Variants in OMA1 observed in about 807,000 individuals in gnomAD.
OMA1 encodes OMA1 zinc metallopeptidase.
In OMA1, 38 loss-of-function variants were observed where a neutral mutation model predicts 30.9. That is an observed-to-expected ratio of 1.23 (90% CI 0.95 to 1.61). The LOEUF is 1.61. OMA1 is among the 40% of genes most tolerant of loss of function. The probability of loss-of-function intolerance (pLI) is 0.00; values close to 1 mark genes in which losing one functional copy is unlikely to be tolerated. For missense variants in OMA1, 461 were observed against 349.2 expected (o/e 1.32, Z -2.55); for synonymous variants, 173 against 121.9 (o/e 1.42, Z -2.76).
intron 8 of OMA1, among the ~76,000 whole-genome samples, chr1:58,490,280 A>T (rs1477756922): frequency 6.6e-6 from 1 of 152,250 alleles, no homozygotes; most frequent in Non-Finnish European, 1.5e-5. Context: ...ATGGCACAAG[A>T]ACTACGTGAC....
chr1:58,496,513 T>C (rs112030861), intron 8 of OMA1, among the ~76,000 whole-genome samples: 3 of 152,292 alleles, frequency 2.0e-5, no homozygotes, highest in African/African-American at 7.2e-5. Flanking sequence ...GTTTTTCGTA[T>C]TTCTGCTCTT....
Position 58,538,790 on chromosome 1 carries a change from T to C in OMA1, c.500+5A>G, listed in dbSNP as rs1260408926. On this transcript the variant is annotated splice_donor_5th_base_variant and intron_variant, in intron 2 of 8. Transcript: ENST00000371226. The stretch of plus-strand genomic sequence containing the variant: ...AAAAGTTTTTATTCTAAAAAAGCAT[T>C]TTACCTGCCTACAATGATTGCAAAT... The C allele has an allele frequency of 1.3e-6, 1 of 760,026 alleles. No homozygotes were observed. The highest frequency in any genetic ancestry group is 2.5e-5 in the East Asian group (1 of 39,742). 47.1% of individuals were successfully genotyped at this position (760,026 alleles called of 1,614,324 possible). A position where few individuals can be genotyped will look rare whatever the true frequency, so the allele number is the denominator to read the frequency against.
At chr1:58,495,718 AG>A (rs1399721526) in intron 8 of OMA1, among the ~76,000 whole-genome samples, 2 of 151,888 alleles carry the variant, frequency 1.3e-5, no homozygotes, top group African/African-American at 4.8e-5. Context: ...AAAAAAAGTT[AG>A]TTTTTGTAGA....
intron 8 of OMA1, among the ~76,000 whole-genome samples, chr1:58,485,768 T>C (rs1645567271): frequency 6.6e-6 from 1 of 152,152 alleles, no homozygotes; most frequent in Non-Finnish European, 1.5e-5. Flanking sequence ...CTTCCTTTAC[T>C]TTGTTTTCTG....
intron 8 of OMA1, among the ~76,000 whole-genome samples, chr1:58,492,998 A>G (rs980803496): frequency 6.6e-6 from 1 of 152,250 alleles, no homozygotes; most frequent in Non-Finnish European, 1.5e-5. Context: ...CCTGATGAAC[A>G]TCAATGCAAA....
At chr1:58,490,610 C>T (rs375672794) in intron 8 of OMA1, among the ~76,000 whole-genome samples, 17,445 of 151,624 alleles carry the variant, frequency 0.12, 1,167 homozygotes, top group African/African-American at 0.18. Context: ...AGATACTCCT[C>T]GAGAAGAGCA....
At chr1:58,520,785 T>C (rs1274957464) in intron 7 of OMA1, among the ~76,000 whole-genome samples, 5 of 152,046 alleles carry the variant, frequency 3.3e-5, no homozygotes, top group African/African-American at 1.2e-4. Context: ...GTATGTATAT[T>C]AAAGATACTT....
chr1:58,530,031 C>T (rs1646410137), intron 6 of OMA1, among the ~76,000 whole-genome samples: 1 of 152,122 alleles, frequency 6.6e-6, no homozygotes. Context: ...CAGGCGCCCG[C>T]CACAACGCCA....
At chr1:58,513,003 G>A (rs750779602) in intron 7 of OMA1, among the ~76,000 whole-genome samples, 1 of 152,252 alleles carries the variant, frequency 6.6e-6, no homozygotes, top group Non-Finnish European at 1.5e-5. Flanking sequence ...TTCAAGAAAA[G>A]TATTATAGAA....
chr1:58,506,557 C>T (rs927210133), intron 7 of OMA1, among the ~76,000 whole-genome samples: 2 of 152,148 alleles, frequency 1.3e-5, no homozygotes, highest in Non-Finnish European at 2.9e-5. Flanking sequence ...AATGCCTGCC[C>T]TTCCCATATA....
intron 1 of OMA1, among the ~76,000 whole-genome samples, chr1:58,544,072 G>C (rs1646664239): frequency 6.6e-6 from 1 of 152,178 alleles, no homozygotes; most frequent in East Asian, 1.9e-4. Context: ...ACCATCTAAA[G>C]GAGGTGCAAA....
chr1:58,523,982 G>C (rs1646309670), intron 7 of OMA1, among the ~76,000 whole-genome samples: 2 of 152,316 alleles, frequency 1.3e-5, no homozygotes, highest in South Asian at 2.1e-4. Flanking sequence ...AACCAATCCA[G>C]AAAAAGCGTT....
At chr1:58,525,137 G>A (rs1008775806) in intron 7 of OMA1, among the ~76,000 whole-genome samples, 3 of 152,078 alleles carry the variant, frequency 2.0e-5, no homozygotes, top group African/African-American at 7.2e-5. Context: ...TTTCATAACC[G>A]ATTTGTGTTT....
intron 1 of OMA1, among the ~76,000 whole-genome samples, chr1:58,540,749 A>G (rs534548953): frequency 1.4e-3 from 212 of 151,860 alleles, no homozygotes; most frequent in Non-Finnish European, 2.5e-3. Context: ...GAGGTATGCA[A>G]TAACTTCAAG....
chr1:58,488,941 T>G (rs941654770), intron 8 of OMA1, among the ~76,000 whole-genome samples: 3 of 152,248 alleles, frequency 2.0e-5, no homozygotes, highest in African/African-American at 7.2e-5. Context: ...GAAAGATGTG[T>G]ACTTGAAAAT....
At position 58,527,339 on chromosome 1, in the gene OMA1, A is replaced by G; in HGVS notation, c.1141-4T>C. 1.1e-6 allele frequency: 1 copy of G among 871,488 alleles called. No individual in the cohort carries two copies. The highest frequency in any genetic ancestry group is 1.3e-5 in the South Asian group (1 of 76,454). 54.0% of individuals were successfully genotyped at this position (871,488 alleles called of 1,614,324 possible). The stretch of plus-strand genomic sequence containing the variant: ...TGTATGGTCTATTAAACATATACTA[A>G]GAAGAAATGACAGAAAAGCTCCATT... On this transcript the variant is annotated splice_polypyrimidine_tract_variant and splice_region_variant and intron_variant, in intron 6 of 8. Transcript: ENST00000371226.
At chr1:58,524,476 T>C (rs899807015) in intron 7 of OMA1, among the ~76,000 whole-genome samples, 3 of 152,250 alleles carry the variant, frequency 2.0e-5, no homozygotes, top group Admixed American at 6.5e-5. Flanking sequence ...TTAGAGTCTA[T>C]AGATAGGCCT....
At chr1:58,522,469 G>C (rs895928269) in intron 7 of OMA1, among the ~76,000 whole-genome samples, 2 of 152,080 alleles carry the variant, frequency 1.3e-5, no homozygotes, top group African/African-American at 4.8e-5. Flanking sequence ...CATCATAATG[G>C]TGAAATACTG....
intron 8 of OMA1, among the ~76,000 whole-genome samples, chr1:58,485,038 T>C (rs1004578271): frequency 6.6e-6 from 1 of 151,968 alleles, no homozygotes; most frequent in Non-Finnish European, 1.5e-5. Context: ...TAAACCCTAA[T>C]GGACTTTGGG....
Sources: gnomAD v4.1 joint callset for allele counts (sites outside exome capture counted in the v4.1 genomes callset) on GRCh38, gnomAD v4.1.1 for gene constraint, MANE v1.5 for transcripts, NCBI Gene and HGNC (gene_info 2026-07-23, HGNC 2026-07-21) for gene names.